The following ETHE1 variants were observed in gnomAD, a reference collection of about 807,000 sequenced individuals.
ETHE1 encodes the protein persulfide dioxygenase ETHE1, mitochondrial.
A neutral mutation model predicts 25.7 loss-of-function variants in ETHE1; 16 were observed. The observed-to-expected ratio is 0.62, with a 90% CI of 0.42 to 0.95. The LOEUF (loss-of-function observed/expected upper bound fraction) is 0.95. Among genes scored for constraint, ETHE1 ranks in the 40% least tolerant of loss-of-function variants. The pLI, the probability that ETHE1 is intolerant of heterozygous loss-of-function variation, is 0.00. For synonymous variants in ETHE1, 139 were observed against 135.9 expected (o/e 1.02, Z -0.16); for missense variants, 300 against 333.6 (o/e 0.90, Z 0.79).
At position 43,526,312 on chromosome 19, in the gene ETHE1, C is replaced by T. The variant is rs777696840; in HGVS notation, c.264G>A (p.Ser88=). The part of the protein sequence containing the change: ...THCHADHITG[S]GLLRSLLPGC... ...CAGGGAGGAGGGAACGGAGCAGCCC[C>T]GAGCCTGTAATGTGGTCCGCGTGGC... Residue 88 remains serine, a synonymous_variant, in exon 3 of 7, where the codon TCG becomes TCA. Coordinates refer to ENST00000292147, the MANE Select transcript of ETHE1 (RefSeq NM_014297.5). The T allele has an allele frequency of 1.2e-6, 2 of 1,613,584 alleles. No homozygotes were observed. Among genetic ancestry groups the T allele is most frequent in the Non-Finnish European group, 1.7e-6 (2 of 1,179,964 alleles).
At position 43,507,981 on chromosome 19, in the gene ETHE1, G is replaced by T; in HGVS notation, c.675C>A (p.Ile225=). ...LTLSCEEFVK[I]MGNLNLPKPQ... ...GTTTAGGCAAGTTCAGGTTGCCCAT[G>T]ATTTTGACAAACTCCTCACAGCTGA... The change falls in exon 6 of 7, where the codon ATC becomes ATA. Residue 225 remains isoleucine, a synonymous_variant. Transcript: ENST00000292147. The T allele has an allele frequency of 6.2e-7, 1 of 1,614,142 alleles. No homozygotes were observed. Among genetic ancestry groups the T allele is most frequent in the Non-Finnish European group, 8.5e-7 (1 of 1,180,026 alleles).
intron 3 of ETHE1, among the ~76,000 whole-genome samples, chr19:43,522,270 T>C (rs1426548984): frequency 6.6e-6 from 1 of 151,920 alleles, no homozygotes; most frequent in African/African-American, 2.4e-5. Context: ...AAAAATTGTT[T>C]AAAAATTAGC....
At chr19:43,510,026 A>G (rs1599987381) in intron 4 of ETHE1, among the ~76,000 whole-genome samples, 1 of 152,294 alleles carries the variant, frequency 6.6e-6, no homozygotes, top group Non-Finnish European at 1.5e-5. Context: ...AGATGCAGAG[A>G]TAAGGAGAGA....
rs377152507 is a variant in ETHE1 at position 43,519,677 on chromosome 19, G to A, written c.375+6524C>T. 5.3e-5 allele frequency among the ~76,000 whole-genome samples: 8 copies of A among 152,170 alleles called. 1 individual carries two copies. The highest frequency in any genetic ancestry group is 1.7e-4 in the African/African-American group (7 of 41,500). ...TTCCCACGGCCTACACTGCCCCCTG[G>A]TGGCAAGTAAGCTCTCAGCTTCTTT... On this transcript the variant is annotated intron_variant, in intron 3 of 6. Transcript: ENST00000292147.
In ETHE1 at chr19:43,508,734, A is replaced by T. The variant is rs762800078; in HGVS notation, c.595+41T>A. 3 of 1,470,236 alleles carry T rather than the reference A, an allele frequency of 2.0e-6. No homozygotes were observed. In the South Asian group the frequency reaches 3.6e-5, roughly 18 times the overall value. 91.1% of individuals were successfully genotyped at this position (1,470,236 alleles called of 1,614,324 possible). On this transcript the variant is annotated intron_variant, in intron 5 of 6. Coordinates refer to ENST00000292147, the MANE Select transcript of ETHE1 (RefSeq NM_014297.5). ...TTACAGAGATTTACACTCCACTTTCAAAGTTATGTACGCCCCACACCTCTT... is the reference window on the plus strand; with the variant it reads ...TTACAGAGATTTACACTCCACTTTCTAAGTTATGTACGCCCCACACCTCTT...
intron 3 of ETHE1, among the ~76,000 whole-genome samples, chr19:43,521,929 T>C (rs1274850958): frequency 6.6e-6 from 1 of 152,044 alleles, no homozygotes; most frequent in East Asian, 1.9e-4. Context: ...AAATAGGGTG[T>C]AGTGGCTCAT....
At chr19:43,515,866 G>A (rs112960176) in intron 3 of ETHE1, among the ~76,000 whole-genome samples, 341 of 152,120 alleles carry the variant, frequency 2.2e-3, no homozygotes, top group African/African-American at 7.9e-3. Flanking sequence ...GTGAGCCACC[G>A]TGACCGGCCA....
chr19:43,516,619 T>C (rs1459163420), intron 3 of ETHE1, among the ~76,000 whole-genome samples: 2 of 102,178 alleles, frequency 2.0e-5, no homozygotes, highest in African/African-American at 8.1e-5. Flanking sequence ...TTCTTTCTTT[T>C]TTTCTTTTTT....
At chr19:43,507,242 C>T (rs1376350926) in intron 6 of ETHE1, among the ~76,000 whole-genome samples, 4 of 120,294 alleles carry the variant, frequency 3.3e-5, no homozygotes, top group Admixed American at 3.3e-4. Context: ...TCCAGTCCCC[C>T]AGCCCCTCCT....
chr19:43,514,570 C>T (rs568813618), intron 3 of ETHE1, among the ~76,000 whole-genome samples: 81 of 149,634 alleles, frequency 5.4e-4, no homozygotes, highest in African/African-American at 1.7e-3. Context: ...ACTGCAACCT[C>T]TGCCTCCCCA....
intron 3 of ETHE1, among the ~76,000 whole-genome samples, chr19:43,521,150 G>A (rs1972130435): frequency 6.6e-6 from 1 of 151,950 alleles, no homozygotes; most frequent in African/African-American, 2.4e-5. Context: ...CTGGCAGTAT[G>A]GCGAAACCCC....
chr19:43,526,332 C>T lies in ETHE1; in HGVS notation c.244G>A (p.Ala82Thr). 1 of 1,614,132 alleles carries T rather than the reference C, an allele frequency of 6.2e-7. No individual in the cohort carries two copies. Among genetic ancestry groups the T allele is most frequent in the Non-Finnish European group, 8.5e-7 (1 of 1,180,016 alleles). The change falls in exon 3 of 7, where the codon GCG becomes ACG. Residue 82 changes from alanine (A) to threonine (T), a missense_variant. Physicochemically the swap from Ala to Thr is moderately conservative, Grantham distance 58 (BLOSUM62 0). Coordinates refer to ENST00000292147, the MANE Select transcript of ETHE1 (RefSeq NM_014297.5). ...AGCCCCGAGCCTGTAATGTGGTCCG[C>T]GTGGCAGTGGGTATTCACTGGGAGA... ...LLYAVNTHCH[A>T]DHITGSGLLR...
chr19:43,513,409 C>T (rs150428254), intron 3 of ETHE1, among the ~76,000 whole-genome samples: 3 of 152,156 alleles, frequency 2.0e-5, no homozygotes, highest in African/African-American at 4.8e-5. Context: ...TGGGGCTGTA[C>T]CCTGCAAAGC....
At chr19:43,515,420 A>C (rs1453613474) in intron 3 of ETHE1, among the ~76,000 whole-genome samples, 1 of 150,474 alleles carries the variant, frequency 6.6e-6, no homozygotes, top group East Asian at 1.9e-4. Flanking sequence ...TCCGCCTTAA[A>C]AAAAAAAAAA....
At chr19:43,513,198 C>T (rs1456219761) in intron 3 of ETHE1, among the ~76,000 whole-genome samples, 2 of 152,148 alleles carry the variant, frequency 1.3e-5, no homozygotes, top group African/African-American at 2.4e-5. Context: ...TCATAGGGAA[C>T]CTCTGCTAGG....
At position 43,521,415 on chromosome 19, in the gene ETHE1, T is replaced by G. The variant is rs569781869; in HGVS notation, c.375+4786A>C. Among the ~76,000 whole-genome samples the G allele has an allele frequency of 2.8e-3, 432 of 152,264 alleles. 3 individuals are homozygous for G. The highest frequency in any genetic ancestry group is 9.6e-3 in the African/African-American group (399 of 41,546). ...GTCCCCTGCTGTGTACTTTGTCCCC[T>G]GCCCTACACCCCTGCTGTCTTTTGT... On this transcript the variant is annotated intron_variant, in intron 3 of 6. Coordinates refer to ENST00000292147, the MANE Select transcript of ETHE1 (RefSeq NM_014297.5).
At chr19:43,507,422 G>C (rs1194706676) in intron 6 of ETHE1, among the ~76,000 whole-genome samples, 3 of 83,228 alleles carry the variant, frequency 3.6e-5, no homozygotes, top group Non-Finnish European at 7.0e-5. Flanking sequence ...TCCTCCCTCA[G>C]ACCCAGGAGC....
intron 3 of ETHE1, among the ~76,000 whole-genome samples, chr19:43,517,676 T>G (rs907395681): frequency 2.6e-5 from 4 of 151,504 alleles, no homozygotes; most frequent in Non-Finnish European, 5.9e-5. Context: ...CTCGGGAGGC[T>G]GAGGCAGGAG....
chr19:43,511,022 C>G (rs112093284), intron 4 of ETHE1, among the ~76,000 whole-genome samples: 2,568 of 152,072 alleles, frequency 0.017, 29 homozygotes, highest in Non-Finnish European at 0.025. Flanking sequence ...GTTGCGTTCT[C>G]CTTATGAGAA....
Sources: allele counts gnomAD v4.1 joint callset (sites outside exome capture counted in the v4.1 genomes callset), GRCh38; gene constraint gnomAD v4.1.1; transcripts MANE v1.5; gene names NCBI Gene and HGNC (gene_info 2026-07-23, HGNC 2026-07-21).